The following CREB5 variants were observed in gnomAD, a reference collection of about 807,000 sequenced individuals.
The protein encoded by CREB5 is cyclic AMP-responsive element-binding protein 5.
A neutral mutation model predicts 57.1 loss-of-function variants in CREB5; 19 were observed. The observed-to-expected ratio is 0.33, with a 90% CI of 0.23 to 0.49. The LOEUF (loss-of-function observed/expected upper bound fraction) is 0.49. Among genes scored for constraint, CREB5 ranks in the 20% least tolerant of loss-of-function variants. CREB5 has a pLI of 0.99. For missense variants in CREB5, 579 were observed against 671.6 expected (o/e 0.86, Z 1.52); for synonymous variants, 238 against 238.3 (o/e 1.00, Z 0.01).
intron 1 of CREB5, among the ~76,000 whole-genome samples, chr7:28,443,508 G>C (rs1179887728): frequency 6.6e-6 from 1 of 152,184 alleles, no homozygotes; most frequent in Non-Finnish European, 1.5e-5. Context: ...TCTGCTGCTA[G>C]GACATACATA....
chr7:28,546,930 T>A (rs1794446790), intron 4 of CREB5, among the ~76,000 whole-genome samples: 1 of 152,100 alleles, frequency 6.6e-6, no homozygotes, highest in African/African-American at 2.4e-5. Flanking sequence ...GTATTGGGGG[T>A]CAGAACTAGA....
chr7:28,535,384 G>A lies in CREB5; in HGVS notation c.291+27647G>A, dbSNP rs113721776. On this transcript the variant is annotated intron_variant, in intron 4 of 10. Transcript: ENST00000357727. ...GGAGGAAAGGTGGAAGGGAGGAAGG[G>A]AGGAGGAGGGAAGGAAAGAAGGAAG... Among the ~76,000 whole-genome samples, 97 of 138,756 alleles carry A rather than the reference G, an allele frequency of 7.0e-4. 16 individuals carry two copies. The highest frequency in any genetic ancestry group is 2.6e-3 in the African/African-American group (97 of 37,692). The allele number at this position is 138,756 out of a possible 152,430, so 91.0% of individuals were successfully genotyped here. A position where few individuals can be genotyped will look rare whatever the true frequency, so the allele number is the denominator to read the frequency against.
chr7:28,681,138 G>C (rs1372442399), intron 5 of CREB5, among the ~76,000 whole-genome samples: 2 of 152,120 alleles, frequency 1.3e-5, no homozygotes, highest in African/African-American at 4.8e-5. Context: ...GGGAGAAAAG[G>C]TATAGTGTAG....
chr7:28,306,386 C>G (rs995258820), intron 1 of CREB5, among the ~76,000 whole-genome samples: 3 of 152,032 alleles, frequency 2.0e-5, no homozygotes, highest in African/African-American at 7.2e-5. Context: ...TTTTTTTATT[C>G]CACCACTCCA....
chr7:28,627,892 T>C (rs1259939652), intron 5 of CREB5, among the ~76,000 whole-genome samples: 3 of 152,146 alleles, frequency 2.0e-5, no homozygotes, highest in African/African-American at 7.2e-5. Context: ...GCAGAGGCTA[T>C]TGTTATGGTG....
chr7:28,811,526 C>T (rs1454691659), intron 9 of CREB5, among the ~76,000 whole-genome samples: 7 of 152,046 alleles, frequency 4.6e-5, no homozygotes, highest in African/African-American at 7.2e-5. Context: ...AGGTGCACAC[C>T]GCCATGCCTG....
intron 5 of CREB5, among the ~76,000 whole-genome samples, chr7:28,619,282 G>A (rs1366317423): frequency 6.6e-6 from 1 of 152,162 alleles, no homozygotes; most frequent in East Asian, 1.9e-4. Flanking sequence ...ACACTAGATG[G>A]CCTATAGCTT....
intron 1 of CREB5, among the ~76,000 whole-genome samples, chr7:28,457,088 G>GA: frequency 6.6e-6 from 1 of 152,300 alleles, no homozygotes; most frequent in East Asian, 1.9e-4. Context: ...GAGACAGAGA[G>GA]AAAATGGGGC....
rs1001694456 is a variant in CREB5, at chr7:28,825,871, A to C, written c.*6592A>C. ...GTTAATATCACTGCAATTCCAATAT[A>C]ATAAAGCACTCAAATGCAAATAATA... On this transcript the variant is annotated 3_prime_UTR_variant, in exon 11 of 11. Coordinates refer to ENST00000357727, the MANE Select transcript of CREB5 (RefSeq NM_182898.4). 1 of 152,664 alleles carries C rather than the reference A, an allele frequency of 6.6e-6. No individual in the cohort carries two copies. Among genetic ancestry groups the C allele is most frequent in the African/African-American group, 2.4e-5 (1 of 41,456 alleles). The allele number at this position is 152,664 out of a possible 1,614,324, so 9.5% of individuals were successfully genotyped here.
chr7:28,491,406 G>A (rs938385031), intron 2 of CREB5: 13 of 246,486 alleles, frequency 5.3e-5, no homozygotes, highest in African/African-American at 2.9e-4. Flanking sequence ...CTGAAGTAGA[G>A]GTGGTTAATT....
intron 5 of CREB5, among the ~76,000 whole-genome samples, chr7:28,632,855 T>C (rs1194425990): frequency 6.6e-6 from 1 of 152,194 alleles, no homozygotes; most frequent in Non-Finnish European, 1.5e-5. Context: ...TTTTTGTTTA[T>C]CATCTACCTC....
intron 1 of CREB5, 125 bp downstream of exon 1, chr7:28,413,042 A>G: frequency 4.9e-6 from 4 of 824,660 alleles, no homozygotes; most frequent in Non-Finnish European, 7.0e-6. Flanking sequence ...ACAAAATTTT[A>G]ATGTTGCTTT....
At chr7:28,519,314 TG>T (rs1196364623) in intron 4 of CREB5, among the ~76,000 whole-genome samples, 1 of 152,214 alleles carries the variant, frequency 6.6e-6, no homozygotes, top group Non-Finnish European at 1.5e-5. Flanking sequence ...TAGGCAAAGT[TG>T]GGAATTCAGA....
chr7:28,570,559 C>T, intron 5 of CREB5, 22 bp downstream of exon 5: 1 of 1,607,784 alleles, frequency 6.2e-7, no homozygotes, highest in South Asian at 1.1e-5. Flanking sequence ...TCCTTGGCTG[C>T]CCCTGGGTCC....
intron 1 of CREB5, among the ~76,000 whole-genome samples, chr7:28,340,971 T>A (rs760159025): frequency 2.6e-5 from 4 of 152,152 alleles, no homozygotes; most frequent in Non-Finnish European, 5.9e-5. Flanking sequence ...GCACAGATTT[T>A]CTCTGTGCCA....
chr7:28,309,701 G>GT (rs1785243223), intron 1 of CREB5, among the ~76,000 whole-genome samples: 1 of 152,112 alleles, frequency 6.6e-6, no homozygotes, highest in African/African-American at 2.4e-5. Flanking sequence ...AAAAGTTCAG[G>GT]TTTTCTTCAT....
In CREB5 at chr7:28,819,312, C is replaced by A; in HGVS notation, c.*33C>A. 6.3e-7 allele frequency: 1 copy of A among 1,596,558 alleles called. No homozygotes were observed. The highest frequency in any genetic ancestry group is 1.1e-5 in the South Asian group (1 of 88,382). ...CATCAGACCTGGCCTCCAAGAAGAG[C>A]TGTAGCGTACCATGCGTCCTTTCTT... On this transcript the variant is annotated 3_prime_UTR_variant, in exon 11 of 11. Transcript: ENST00000357727.
intron 1 of CREB5, among the ~76,000 whole-genome samples, chr7:28,359,993 T>A (rs751713544): frequency 6.6e-6 from 1 of 152,176 alleles, no homozygotes; most frequent in African/African-American, 2.4e-5. Context: ...TCACTAATCA[T>A]CAGGGAAACA....
At position 28,696,971 on chromosome 7, in the gene CREB5, ATATT is replaced by A. The variant is rs533603022; in HGVS notation, c.465-21780_465-21777del. ...GTATATGTGTTATACACACATATAT[ATATT>A]TGTGTGTATATATACCCATGGAAAT... On this transcript the variant is annotated intron_variant, in intron 5 of 10. Transcript: ENST00000357727. Among the ~76,000 whole-genome samples, 15 of 152,008 alleles carry A rather than the reference ATATT, an allele frequency of 9.9e-5. No homozygotes were observed. In the East Asian group the frequency reaches 1.2e-3, roughly 12 times the overall value.
Sources: gnomAD v4.1 joint callset for allele counts (sites outside exome capture counted in the v4.1 genomes callset) on GRCh38, gnomAD v4.1.1 for gene constraint, MANE v1.5 for transcripts, NCBI Gene and HGNC (gene_info 2026-07-23, HGNC 2026-07-21) for gene names.